Variants in AHI1 observed in about 807,000 individuals in gnomAD.
AHI1 encodes jouberin.
In AHI1, 123 loss-of-function variants were observed where a neutral mutation model predicts 149.3. The observed-to-expected ratio is 0.82, with a 90% CI of 0.71 to 0.96. The LOEUF (loss-of-function observed/expected upper bound fraction) is 0.96. Ranked by LOEUF, AHI1 falls within the 40% of genes least tolerant of loss-of-function variation. The probability of loss-of-function intolerance (pLI) is 0.00; values close to 1 mark genes in which losing one functional copy is unlikely to be tolerated. For missense variants in AHI1, 1,439 were observed against 1,422.7 expected (o/e 1.01, Z -0.18); for synonymous variants, 475 against 459.8 (o/e 1.03, Z -0.42).
intron 17 of AHI1, 101 bp from the exon 18 acceptor site, chr6:135,430,101 T>C (rs886958178): frequency 8.2e-6 from 5 of 612,894 alleles, no homozygotes; most frequent in Non-Finnish European, 2.8e-6. Context: ...CCAATTCCAC[T>C]GTATAGGATG....
At chr6:135,450,378 A>G (rs767795363) in intron 11 of AHI1, among the ~76,000 whole-genome samples, 10 of 152,232 alleles carry the variant, frequency 6.6e-5, no homozygotes, top group Non-Finnish European at 1.5e-4. Flanking sequence ...ATGATAAGTT[A>G]AGGAATGATG....
chr6:135,300,363 T>C, intron 27 of AHI1, 137 bp downstream of exon 27: 3 of 923,344 alleles, frequency 3.2e-6, no homozygotes, highest in Non-Finnish European at 4.5e-6. Context: ...GTAAACAAGC[T>C]AAACTCCTTT....
intron 24 of AHI1, among the ~76,000 whole-genome samples, chr6:135,356,089 G>C (rs573787722): frequency 3.6e-4 from 55 of 152,288 alleles, no homozygotes; most frequent in African/African-American, 1.3e-3. Context: ...GAAGTAAGCT[G>C]GGAATTGAGG....
In AHI1 at chr6:135,457,514, T is replaced by C. The variant is rs142518256; in HGVS notation, c.1131A>G (p.Gln377=). The C allele has an allele frequency of 1.5e-5, 24 of 1,613,292 alleles. No homozygotes were observed. The East Asian group carries it at 2.5e-4, about 16-fold the overall frequency. Residue 377 remains glutamine (Q), a synonymous_variant, in exon 9 of 29, where the codon CAA becomes CAG. Transcript: ENST00000265602. ...ATTACCTATCATCTTTCTTGACATATTGACCAGTATGCTCATCAACCACAT... is the reference window on the plus strand; with the variant it reads ...ATTACCTATCATCTTTCTTGACATACTGACCAGTATGCTCATCAACCACAT... ...KIHVVDEHTG[Q]YVKKDDSGRP...
intron 24 of AHI1, among the ~76,000 whole-genome samples, chr6:135,349,738 A>G (rs1414538933): frequency 6.6e-6 from 1 of 152,208 alleles, no homozygotes; most frequent in Non-Finnish European, 1.5e-5. Flanking sequence ...CTGCTCTAAT[A>G]TATTGTCTTT....
intron 5 of AHI1, among the ~76,000 whole-genome samples, chr6:135,470,372 G>A (rs1791490625): frequency 6.6e-6 from 1 of 152,202 alleles, no homozygotes. Context: ...TGATGGGAAT[G>A]TAAATTAGTT....
chr6:135,489,167 G>A (rs913660357), intron 5 of AHI1, among the ~76,000 whole-genome samples: 4 of 151,994 alleles, frequency 2.6e-5, no homozygotes, highest in East Asian at 1.9e-4. Flanking sequence ...TTTGAGCTGC[G>A]AAATATCTTC....
chr6:135,353,370 G>A (rs1471149357), intron 24 of AHI1, among the ~76,000 whole-genome samples: 1 of 152,018 alleles, frequency 6.6e-6, no homozygotes, highest in Non-Finnish European at 1.5e-5. Context: ...GAGTTTTATA[G>A]GGGCCCATTC....
chr6:135,378,805 G>A (rs1282672575), intron 23 of AHI1, among the ~76,000 whole-genome samples: 1 of 152,112 alleles, frequency 6.6e-6, no homozygotes, highest in Non-Finnish European at 1.5e-5. Context: ...ACAATGCAGA[G>A]TTAAAAAAAT....
At chr6:135,341,449 A>G (rs949591450) in intron 24 of AHI1, among the ~76,000 whole-genome samples, 1 of 152,040 alleles carries the variant, frequency 6.6e-6, no homozygotes, top group African/African-American at 2.4e-5. Context: ...CTCAAAATAA[A>G]GATCAACATA....
At chr6:135,447,659 C>T (rs1787453218) in intron 12 of AHI1, among the ~76,000 whole-genome samples, 2 of 152,248 alleles carry the variant, frequency 1.3e-5, no homozygotes, top group South Asian at 4.1e-4. Context: ...TAATGTCTTA[C>T]AAGAAACTAG....
chr6:135,302,836 C>T, intron 26 of AHI1: 1 of 1,288,524 alleles, frequency 7.8e-7, no homozygotes, highest in Non-Finnish European at 1.0e-6. Flanking sequence ...GAAAAAGCCC[C>T]CAAGGCTGGT....
intron 15 of AHI1, among the ~76,000 whole-genome samples, chr6:135,434,024 T>C (rs1475161991): frequency 6.6e-6 from 1 of 152,076 alleles, no homozygotes; most frequent in East Asian, 1.9e-4. Flanking sequence ...AGGTGAAATC[T>C]ACCAATATAC....
Position 135,315,026 on chromosome 6 carries a change from CT to C in AHI1, c.3426+3492del, listed in dbSNP as rs1420228930. On this transcript the variant is annotated intron_variant, in intron 26 of 28. Coordinates refer to ENST00000265602, the MANE Select transcript of AHI1 (RefSeq NM_001134831.2). ...TTGTAATCCATATCTAGTTTTTTAA[CT>C]GGTTTGGTGATTTCAATGTGAAGCC... 2.6e-5 allele frequency among the ~76,000 whole-genome samples: 4 copies of C among 152,272 alleles called. No homozygotes were observed. The East Asian group carries it at 7.7e-4, about 29-fold the overall frequency.
chr6:135,330,344 C>A (rs538949114), intron 24 of AHI1, among the ~76,000 whole-genome samples: 1 of 152,348 alleles, frequency 6.6e-6, no homozygotes, highest in African/African-American at 2.4e-5. Context: ...GGTCAGTCAG[C>A]TGCCATCAAC....
At chr6:135,396,958 C>T (rs984196282) in intron 22 of AHI1, among the ~76,000 whole-genome samples, 4 of 151,628 alleles carry the variant, frequency 2.6e-5, no homozygotes, top group African/African-American at 9.7e-5. Context: ...TACTTAAATG[C>T]CTCTGTTCAA....
At chr6:135,441,654 C>T (rs1272267487) in intron 14 of AHI1, among the ~76,000 whole-genome samples, 2 of 151,998 alleles carry the variant, frequency 1.3e-5, no homozygotes, top group African/African-American at 2.4e-5. Flanking sequence ...AACATAAAAT[C>T]GGAATAAAAT....
chr6:135,301,558 T>A, intron 26 of AHI1: 1 of 985,414 alleles, frequency 1.0e-6, no homozygotes. Flanking sequence ...AAGCATTACT[T>A]TTCTTACAGA....
chr6:135,456,011 C>A (rs1267948047), intron 9 of AHI1, 85 bp from the exon 10 acceptor site: 1 of 880,668 alleles, frequency 1.1e-6, no homozygotes, highest in Non-Finnish European at 1.6e-6. Flanking sequence ...GGTGAGGCAA[C>A]CAGAAATAAT....
Sources: allele counts gnomAD v4.1 joint callset (sites outside exome capture counted in the v4.1 genomes callset), GRCh38; gene constraint gnomAD v4.1.1; transcripts MANE v1.5; gene names NCBI Gene and HGNC (gene_info 2026-07-23, HGNC 2026-07-21).